Variants in CCDC7 observed in about 807,000 individuals in gnomAD.
The protein encoded by CCDC7 is coiled-coil domain-containing protein 7.
Under a neutral mutation model 196.9 loss-of-function variants are expected in CCDC7, and 183 were observed. That is an observed-to-expected ratio of 0.93 (90% CI 0.82 to 1.05). The LOEUF is 1.05. Among genes scored for constraint, CCDC7 ranks in the 50% least tolerant of loss-of-function variants. CCDC7 has a pLI of 0.00. For missense variants in CCDC7, 1,540 were observed against 1,482.2 expected, an observed-to-expected ratio of 1.04 and a Z score of -0.64; for synonymous variants, 525 against 484.6, an observed-to-expected ratio of 1.08 and a Z score of -1.10.
intron 29 of CCDC7, among the ~76,000 whole-genome samples, chr10:32,782,731 A>G (rs1048170799): frequency 2.6e-5 from 4 of 152,238 alleles, no homozygotes; most frequent in Non-Finnish European, 5.9e-5. Context: ...GAAGTCTCAC[A>G]CTTCCTGATT....
At chr10:32,767,566 C>T (rs2078513661) in intron 28 of CCDC7, among the ~76,000 whole-genome samples, 1 of 151,914 alleles carries the variant, frequency 6.6e-6, no homozygotes, top group African/African-American at 2.4e-5. Context: ...CTCCTCCCTG[C>T]AGGAACATCA....
intron 18 of CCDC7, among the ~76,000 whole-genome samples, chr10:32,599,143 C>T (rs192051371): frequency 2.6e-5 from 4 of 152,170 alleles, no homozygotes; most frequent in Admixed American, 2.6e-4. Context: ...ATTCGTTGAC[C>T]CTTTTATTAG....
intron 19 of CCDC7, 81 bp from the exon 21 acceptor site, chr10:32,634,976 A>C: frequency 2.5e-6 from 1 of 396,518 alleles, no homozygotes. Flanking sequence ...CTATTCCATT[A>C]ATTTTACACA....
intron 18 of CCDC7, among the ~76,000 whole-genome samples, chr10:32,586,062 C>A (rs915570848): frequency 1.3e-5 from 2 of 152,196 alleles, no homozygotes; most frequent in Non-Finnish European, 2.9e-5. Flanking sequence ...TTAATGATCA[C>A]CATTCTAATA....
At chr10:32,874,953 CTT>C (rs1425571027) in intron 41 of CCDC7, among the ~76,000 whole-genome samples, 7 of 151,836 alleles carry the variant, frequency 4.6e-5, no homozygotes, top group African/African-American at 1.7e-4. Context: ...TTTAATTCAT[CTT>C]GAGTCAATTT....
chr10:32,471,639 A>T (rs2037974035), intron 6 of CCDC7, among the ~76,000 whole-genome samples: 1 of 152,160 alleles, frequency 6.6e-6, no homozygotes. Flanking sequence ...TTGTTCATGA[A>T]CACCTTCATT....
At chr10:32,548,888 T>G (rs2052975950) in intron 13 of CCDC7, among the ~76,000 whole-genome samples, 1 of 152,220 alleles carries the variant, frequency 6.6e-6, no homozygotes, top group Non-Finnish European at 1.5e-5. Flanking sequence ...TGCAAGTATC[T>G]TTTTTGAATA....
chr10:32,827,836 A>G (rs1198779371), intron 32 of CCDC7, among the ~76,000 whole-genome samples: 4 of 152,152 alleles, frequency 2.6e-5, no homozygotes, highest in African/African-American at 9.7e-5. Context: ...TGGCCCTGCA[A>G]AGCCATATTT....
chr10:32,504,643 C>T (rs2044604297), intron 9 of CCDC7, among the ~76,000 whole-genome samples: 1 of 152,046 alleles, frequency 6.6e-6, no homozygotes, highest in South Asian at 2.1e-4. Flanking sequence ...TCTGATTTCC[C>T]TTTGGATTTC....
intron 26 of CCDC7, among the ~76,000 whole-genome samples, chr10:32,728,107 C>A (rs1393645881): frequency 6.6e-6 from 1 of 152,070 alleles, no homozygotes; most frequent in Non-Finnish European, 1.5e-5. Context: ...TCTTTCTCCC[C>A]CTTGAGTGAA....
intron 25 of CCDC7, among the ~76,000 whole-genome samples, chr10:32,722,212 G>A (rs1198038899): frequency 6.6e-6 from 1 of 152,176 alleles, no homozygotes; most frequent in East Asian, 1.9e-4. Context: ...GCTCTAACTA[G>A]AGCAATTTTC....
At position 32,761,793 on chromosome 10, in the gene CCDC7, AATATGGGAAGATCC is replaced by A. The variant is rs544064197; in HGVS notation, c.2906-17183_2906-17170del. On this transcript the variant is annotated intron_variant, in intron 28 of 41. Coordinates refer to ENST00000639629, the Ensembl canonical transcript of CCDC7. Reference sequence around the variant, plus strand: ...AAAATCCTAAAAACTGGAATGAGGAAATATGGGAAGATCCTAATGAAGCTAGGGATGTTTACCTC... The same window carrying A: ...AAAATCCTAAAAACTGGAATGAGGAATAATGAAGCTAGGGATGTTTACCTC... Among the ~76,000 whole-genome samples, 17 of 152,100 alleles carry A rather than the reference AATATGGGAAGATCC, an allele frequency of 1.1e-4. No homozygotes were observed. In the East Asian group the frequency reaches 3.3e-3, roughly 29 times the overall value.
At chr10:32,780,461 A>T (rs533155771) in intron 29 of CCDC7, among the ~76,000 whole-genome samples, 1 of 152,348 alleles carries the variant, frequency 6.6e-6, no homozygotes, top group East Asian at 1.9e-4. Flanking sequence ...CACACAATAT[A>T]TAAAGACATG....
intron 20 of CCDC7, among the ~76,000 whole-genome samples, chr10:32,640,189 G>A (rs1466411504): frequency 6.6e-6 from 1 of 152,064 alleles, no homozygotes; most frequent in Non-Finnish European, 1.5e-5. Context: ...TCTCTTTCTA[G>A]GTCTCTAAGG....
chr10:32,783,851 A>G (rs2081404861), intron 29 of CCDC7, among the ~76,000 whole-genome samples: 4 of 152,262 alleles, frequency 2.6e-5, no homozygotes. Context: ...TACAAAGTGA[A>G]TGAATCTTGA....
At chr10:32,879,120 C>T (rs369903734), downstream of CCDC7, among the ~76,000 whole-genome samples, 27 of 151,950 alleles carry the variant, frequency 1.8e-4, no homozygotes, top group African/African-American at 5.8e-4. Flanking sequence ...CATAGTTAAA[C>T]GTGTGCCATC....
chr10:32,828,944 C>A (rs1312612608), intron 32 of CCDC7, among the ~76,000 whole-genome samples: 1 of 152,142 alleles, frequency 6.6e-6, no homozygotes, highest in African/African-American at 2.4e-5. Context: ...CCAGGAGACA[C>A]AACAACAATT....
chr10:32,722,789 G>C (rs527835332), intron 25 of CCDC7, among the ~76,000 whole-genome samples: 8 of 152,024 alleles, frequency 5.3e-5, no homozygotes, highest in Non-Finnish European at 4.4e-5. Context: ...AATTCAACCC[G>C]TAACCCTCCC....
intron 32 of CCDC7, among the ~76,000 whole-genome samples, chr10:32,825,893 G>A (rs2091037658): frequency 6.6e-6 from 1 of 152,142 alleles, no homozygotes; most frequent in African/African-American, 2.4e-5. Flanking sequence ...ACTTGGAATG[G>A]GGATGTGTGG....
Sources: gnomAD v4.1 joint callset for allele counts (sites outside exome capture counted in the v4.1 genomes callset) on GRCh38, gnomAD v4.1.1 for gene constraint, MANE v1.5 for transcripts, NCBI Gene and HGNC (gene_info 2026-07-23, HGNC 2026-07-21) for gene names.